The following ERC1 variants were observed in gnomAD, a reference collection of about 807,000 sequenced individuals.
ERC1 encodes RAB6 interacting protein 2.
In ERC1, 56 loss-of-function variants were observed where a neutral mutation model predicts 132.0. The observed-to-expected ratio is 0.42, with a 90% CI of 0.34 to 0.53. The LOEUF (loss-of-function observed/expected upper bound fraction) is 0.53, where lower values mean the gene tolerates loss of function less well. Among genes scored for constraint, ERC1 ranks in the 20% least tolerant of loss-of-function variants. The pLI is 0.03. For synonymous variants in ERC1, 478 were observed against 476.1 expected, an observed-to-expected ratio of 1.00 and a Z score of -0.05; for missense variants, 1,202 against 1,349.9, an observed-to-expected ratio of 0.89 and a Z score of 1.72.
chr12:1,120,885 G>A (rs1178934381), intron 7 of ERC1, among the ~76,000 whole-genome samples: 1 of 152,114 alleles, frequency 6.6e-6, no homozygotes, highest in Non-Finnish European at 1.5e-5. Context: ...TTGGCACTAG[G>A]CACTAGAGCT....
intron 18 of ERC1, among the ~76,000 whole-genome samples, chr12:1,470,298 T>C (rs948711279): frequency 5.9e-5 from 9 of 152,060 alleles, no homozygotes; most frequent in Non-Finnish European, 7.4e-5. Flanking sequence ...TCCTTCTCTC[T>C]TCCTGCCTGG....
In ERC1 at chr12:1,371,940, G is replaced by T. The variant is rs142694881; in HGVS notation, c.2888G>T (p.Arg963Leu). ...KTQEEVAALK[R>L]EKDRLVQQLK... Reference sequence around the variant, plus strand: ...CAAGAGGAAGTGGCTGCCCTGAAGCGGGAGAAGGATCGTCTGGTACAGCAG... The same window carrying T: ...CAAGAGGAAGTGGCTGCCCTGAAGCTGGAGAAGGATCGTCTGGTACAGCAG... The change falls in exon 16 of 19, where the codon CGG becomes CTG. Residue 963 changes from arginine to leucine, a missense_variant. By Grantham distance (102) the Arg-to-Leu change is moderately radical. Coordinates refer to ENST00000360905, the MANE Select transcript of ERC1 (RefSeq NM_178040.4). 6.2e-7 allele frequency: 1 copy of T among 1,614,008 alleles called. No homozygotes were observed. Among genetic ancestry groups the T allele is most frequent in the Admixed American group, 1.7e-5 (1 of 60,014 alleles).
chr12:1,053,890 C>G (rs1490942579), intron 2 of ERC1, among the ~76,000 whole-genome samples: 2 of 152,176 alleles, frequency 1.3e-5, no homozygotes, highest in Non-Finnish European at 2.9e-5. Flanking sequence ...GGAGCTTGGT[C>G]TCTTTTCCCT....
chr12:1,450,585 A>C (rs544349429), intron 18 of ERC1, among the ~76,000 whole-genome samples: 2 of 152,330 alleles, frequency 1.3e-5, no homozygotes, highest in East Asian at 1.9e-4. Context: ...AGCTCTCATG[A>C]ATAGTGCTAC....
chr12:1,031,806 A>G (rs1457188343), intron 2 of ERC1, among the ~76,000 whole-genome samples: 1 of 152,170 alleles, frequency 6.6e-6, no homozygotes, highest in African/African-American at 2.4e-5. Flanking sequence ...AAAAAAAGCT[A>G]AAATAGACCC....
intron 3 of ERC1, among the ~76,000 whole-genome samples, chr12:1,095,254 A>G (rs1368473309): frequency 1.3e-5 from 2 of 152,038 alleles, no homozygotes; most frequent in Non-Finnish European, 2.9e-5. Context: ...ACATGCTGAA[A>G]TGCCGTCTCT....
rs533024836 is a variant in ERC1 at position 1,401,134 on chromosome 12, A to AC, written c.2926-7014dup. On this transcript the variant is annotated intron_variant, in intron 16 of 18. Transcript: ENST00000360905. ...GTATTTTTAGTAGAGACGGGGTTTCACGTGTTAGCCAGGATGGTCTCCATC... is the reference window on the plus strand; with the variant it reads ...GTATTTTTAGTAGAGACGGGGTTTCACCGTGTTAGCCAGGATGGTCTCCATC... Among the ~76,000 whole-genome samples the AC allele has an allele frequency of 4.8e-3, 712 of 149,728 alleles. 8 individuals are homozygous for AC. The highest frequency in any genetic ancestry group is 0.014 in the African/African-American group (570 of 39,638).
intron 18 of ERC1, among the ~76,000 whole-genome samples, chr12:1,457,051 G>A (rs1459827936): frequency 6.6e-6 from 1 of 152,160 alleles, no homozygotes; most frequent in Non-Finnish European, 1.5e-5. Context: ...ACTGTACCTT[G>A]TCTATGTTTA....
chr12:1,306,667 T>C (rs2080907081), intron 15 of ERC1, among the ~76,000 whole-genome samples: 1 of 152,174 alleles, frequency 6.6e-6, no homozygotes, highest in Non-Finnish European at 1.5e-5. Flanking sequence ...TGAAATAATA[T>C]AGTGTGAAGC....
At chr12:1,302,273 G>T (rs549097744) in intron 15 of ERC1, among the ~76,000 whole-genome samples, 1 of 152,242 alleles carries the variant, frequency 6.6e-6, no homozygotes, top group East Asian at 1.9e-4. Context: ...AGAACATTCA[G>T]AAAGGCTTTT....
intron 8 of ERC1, among the ~76,000 whole-genome samples, chr12:1,165,507 C>T (rs1006085250): frequency 5.9e-5 from 9 of 152,160 alleles, no homozygotes; most frequent in Middle Eastern, 3.4e-3. Context: ...GGGGTTTCAC[C>T]GTGTTAGCCA....
At chr12:1,107,700 G>A (rs1444630429) in intron 4 of ERC1, among the ~76,000 whole-genome samples, 1 of 152,204 alleles carries the variant, frequency 6.6e-6, no homozygotes, top group African/African-American at 2.4e-5. Context: ...AAATGGGCAG[G>A]AGTGATGGAG....
chr12:1,234,808 G>T (rs149997989), intron 12 of ERC1, among the ~76,000 whole-genome samples: 3 of 152,272 alleles, frequency 2.0e-5, no homozygotes, highest in African/African-American at 7.2e-5. Flanking sequence ...AAGTGGCAAT[G>T]CATGTAAATA....
At chr12:1,207,110 G>A (rs936588308) in intron 12 of ERC1, among the ~76,000 whole-genome samples, 1 of 152,012 alleles carries the variant, frequency 6.6e-6, no homozygotes, top group Non-Finnish European at 1.5e-5. Flanking sequence ...TAGTTTGATG[G>A]AAACATTTCA....
intron 17 of ERC1, among the ~76,000 whole-genome samples, chr12:1,420,311 C>T (rs2092370726): frequency 6.6e-6 from 1 of 151,910 alleles, no homozygotes; most frequent in South Asian, 2.1e-4. Flanking sequence ...ATTTGGAGAC[C>T]ATCTTTTAGA....
At chr12:1,128,907 A>G (rs1948469426) in intron 7 of ERC1, among the ~76,000 whole-genome samples, 1 of 152,168 alleles carries the variant, frequency 6.6e-6, no homozygotes, top group Admixed American at 6.5e-5. Flanking sequence ...GTGAATTGGA[A>G]CATAGATCTG....
rs2093249089 is a variant in ERC1, at chr12:1,444,531, T to C, written c.3025-31T>C. Reference sequence around the variant, plus strand: ...AGACTGACCTTGACTTTCCTCATTTTATTTTATTTTATTTTATTTTTTTGC... The same window carrying C: ...AGACTGACCTTGACTTTCCTCATTTCATTTTATTTTATTTTATTTTTTTGC... On this transcript the variant is annotated intron_variant, in intron 17 of 18. Transcript: ENST00000360905. 2.1e-6 allele frequency: 3 copies of C among 1,448,004 alleles called. No homozygotes were observed. In the East Asian group the frequency reaches 6.9e-5, roughly 33 times the overall value. 89.7% of individuals were successfully genotyped at this position (1,448,004 alleles called of 1,614,324 possible).
rs371416474 is a variant in ERC1 at position 1,025,341 on chromosome 12, G to A, written c.-156-2407G>A. 9.9e-5 allele frequency among the ~76,000 whole-genome samples: 15 copies of A among 152,122 alleles called. No homozygotes were observed. In the East Asian group the frequency reaches 2.1e-3, roughly 22 times the overall value. On this transcript the variant is annotated intron_variant, in intron 1 of 18. Coordinates refer to ENST00000360905, the MANE Select transcript of ERC1 (RefSeq NM_178040.4). Reference sequence around the variant, plus strand: ...CGCTGTTTCAAAATTGGCATTTCCCGTGTAGGAATTCTTTACATACTCTGT... The same window carrying A: ...CGCTGTTTCAAAATTGGCATTTCCCATGTAGGAATTCTTTACATACTCTGT...
chr12:1,039,072 C>T lies in ERC1; in HGVS notation c.669+10500C>T, dbSNP rs1224313708. 2.0e-5 allele frequency among the ~76,000 whole-genome samples: 3 copies of T among 151,996 alleles called. No homozygotes were observed. In the East Asian group the frequency reaches 5.8e-4, roughly 29 times the overall value. On this transcript the variant is annotated intron_variant, in intron 2 of 18. Coordinates refer to ENST00000360905, the MANE Select transcript of ERC1 (RefSeq NM_178040.4). ...AAAATTAGGGCCAGGCACGGTGGCTCACGCCTGTAATCCCAGCACTTTGGG... is the reference window on the plus strand; with the variant it reads ...AAAATTAGGGCCAGGCACGGTGGCTTACGCCTGTAATCCCAGCACTTTGGG...
Sources: allele counts gnomAD v4.1 joint callset (sites outside exome capture counted in the v4.1 genomes callset), GRCh38; gene constraint gnomAD v4.1.1; transcripts MANE v1.5; gene names NCBI Gene and HGNC (gene_info 2026-07-23, HGNC 2026-07-21).